Variants in CFAP74 observed in about 807,000 individuals in gnomAD.
The protein encoded by CFAP74 is cilia- and flagella-associated protein 74.
CFAP74 carries 124 observed loss-of-function variants against 188.9 expected under a neutral mutation model. The observed-to-expected ratio is 0.66, with a 90% CI of 0.57 to 0.76. The LOEUF (loss-of-function observed/expected upper bound fraction) is 0.76, where lower values mean the gene tolerates loss of function less well. Ranked by LOEUF, CFAP74 falls within the 30% of genes least tolerant of loss-of-function variation. CFAP74 has a pLI of 0.00. For missense variants in CFAP74, 2,198 were observed against 2,165.2 expected (o/e 1.02, Z -0.30); for synonymous variants, 956 against 916.7 (o/e 1.04, Z -0.77).
At chr1:1,945,737 A>G (rs1570880631) in intron 20 of CFAP74, among the ~76,000 whole-genome samples, 1 of 151,082 alleles carries the variant, frequency 6.6e-6, no homozygotes, top group Non-Finnish European at 1.5e-5. Flanking sequence ...TTGAGGCAGG[A>G]GGATCACTTG....
In CFAP74 at chr1:1,968,622, G is replaced by C; in HGVS notation, c.1245+13C>G. On this transcript the variant is annotated intron_variant, in intron 11 of 38. Transcript: ENST00000682832. This position sits in a 1 kb window ranked among gnomAD's most constrained non-coding sequence, Gnocchi z 4.3. ...GTGTGCGGCTTCTGTCTACAGGAAGGCGTTTTGCTCACCAGTGTGTACGTG... is the reference window on the plus strand; with the variant it reads ...GTGTGCGGCTTCTGTCTACAGGAAGCCGTTTTGCTCACCAGTGTGTACGTG... 6.2e-7 allele frequency: 1 copy of C among 1,610,172 alleles called. No homozygotes were observed. The highest frequency in any genetic ancestry group is 1.1e-5 in the South Asian group (1 of 90,938).
intron 1 of CFAP74, among the ~76,000 whole-genome samples, chr1:1,994,007 T>C (rs28584507): frequency 6.7e-6 from 1 of 149,524 alleles, no homozygotes; most frequent in East Asian, 2.0e-4. Context: ...AAAATAAAAA[T>C]AAAAAAATGT....
chr1:1,976,301 G>A (rs1475247920), intron 6 of CFAP74, among the ~76,000 whole-genome samples: 1 of 152,168 alleles, frequency 6.6e-6, no homozygotes, highest in Non-Finnish European at 1.5e-5. Context: ...GTCGTGGGGC[G>A]GCTCCCTCAT....
At chr1:1,946,027 T>G (rs1159716263) in intron 20 of CFAP74, among the ~76,000 whole-genome samples, 1 of 148,186 alleles carries the variant, frequency 6.7e-6, no homozygotes, top group South Asian at 2.2e-4. Flanking sequence ...TGTGCGTGTG[T>G]ACGTGTGTGT....
chr1:1,947,527 G>A lies in CFAP74; in HGVS notation c.2177-473C>T, dbSNP rs1025188208. 3.3e-5 allele frequency among the ~76,000 whole-genome samples: 5 copies of A among 152,202 alleles called. 1 individual carries two copies. The South Asian group carries it at 1.0e-3, about 32-fold the overall frequency. On this transcript the variant is annotated intron_variant, in intron 18 of 38. Transcript: ENST00000682832. The stretch of plus-strand genomic sequence containing the variant: ...GTTTCCATCTGCCACTGGGTTCTGG[G>A]GGCACCAGCCGGCAGCTGGTCAGCA...
chr1:1,978,488 C>A (rs1656590555), intron 6 of CFAP74, among the ~76,000 whole-genome samples: 1 of 152,008 alleles, frequency 6.6e-6, no homozygotes, highest in Non-Finnish European at 1.5e-5. Context: ...AGATGGGGAC[C>A]CCACTCAAGT....
chr1:1,927,117 C>T, intron 28 of CFAP74, 89 bp from the exon 29 acceptor site: 1 of 1,423,398 alleles, frequency 7.0e-7, no homozygotes, highest in East Asian at 2.5e-5. Context: ...CTCAGGGTCC[C>T]AGGGTCCCAG....
At chr1:1,953,175 T>C (rs527770626) in intron 18 of CFAP74, 1 of 152,332 alleles carries the variant, frequency 6.6e-6, no homozygotes, top group African/African-American at 2.4e-5. Context: ...CTTCAAGGCT[T>C]TGTCTGAGTC....
intron 1 of CFAP74, among the ~76,000 whole-genome samples, chr1:2,000,259 T>C (rs1432368398): frequency 6.6e-6 from 1 of 152,190 alleles, no homozygotes; most frequent in Non-Finnish European, 1.5e-5. Context: ...TATCCATGAA[T>C]GGATAAAGAC....
At chr1:1,955,262 C>T in intron 18 of CFAP74, 1 of 1,293,298 alleles carries the variant, frequency 7.7e-7, no homozygotes, top group Non-Finnish European at 1.0e-6. Context: ...CGGCGGGCTG[C>T]AGGGCAGGAG....
intron 15 of CFAP74, among the ~76,000 whole-genome samples, 162 bp from the exon 16 acceptor site, chr1:1,959,371 C>T (rs1222792451): frequency 2.7e-5 from 4 of 145,978 alleles, no homozygotes; most frequent in Admixed American, 1.4e-4. Flanking sequence ...GGGGTCCAAG[C>T]GATCCTCCCA....
chr1:1,927,981 A>G, intron 27 of CFAP74: 1 of 545,706 alleles, frequency 1.8e-6, no homozygotes, highest in Non-Finnish European at 3.3e-6. Flanking sequence ...GGATAAACCG[A>G]GGCACGGAGT....
intron 33 of CFAP74, 53 bp downstream of exon 33, chr1:1,925,730 G>A: frequency 6.4e-7 from 1 of 1,573,508 alleles, no homozygotes; most frequent in Non-Finnish European, 8.6e-7. Context: ...CCTGCCTGGT[G>A]GAAACCCCTC....
intron 6 of CFAP74, among the ~76,000 whole-genome samples, chr1:1,976,411 T>C (rs1224810432): frequency 2.6e-5 from 4 of 152,104 alleles, no homozygotes; most frequent in Admixed American, 1.3e-4. Flanking sequence ...CCTCTCACCA[T>C]GGGAGACACG....
At position 1,934,064 on chromosome 1, in the gene CFAP74, G is replaced by A. The variant is rs148281593; in HGVS notation, c.3012-3728C>T. Among the ~76,000 whole-genome samples, 4 of 152,310 alleles carry A rather than the reference G, an allele frequency of 2.6e-5. No homozygotes were observed. In the East Asian group the frequency reaches 7.7e-4, roughly 29 times the overall value. On this transcript the variant is annotated intron_variant, in intron 25 of 38. Coordinates refer to ENST00000682832, the MANE Select transcript of CFAP74 (RefSeq NM_001304360.2). ...CAAGCAAAATCCAGACCAGCAGCAG[G>A]GGTCTGAGGCCACCGGCATGAGGTC...
At chr1:1,926,577 G>C (rs898157464) in intron 30 of CFAP74, 65 bp from the exon 31 acceptor site, 22 of 1,546,510 alleles carry the variant, frequency 1.4e-5, no homozygotes, top group Non-Finnish European at 1.9e-5. Flanking sequence ...TGCCAGGGGT[G>C]GGCCGTGGGG....
Position 1,970,815 on chromosome 1 carries a change from T to A in CFAP74, c.890A>T (p.Asp297Val), listed in dbSNP as rs374724103. Residue 297 changes from aspartate to valine, a missense_variant and splice_region_variant, in exon 10 of 39, where the codon GAC becomes GTC. Coordinates refer to ENST00000682832, the MANE Select transcript of CFAP74 (RefSeq NM_001304360.2). ...CCATGCTTGGAACTTCCGCAGTGTG[T>A]CCTTGGAAACAGAGAGCACTGAGAT... ...ALKGSISANR[D>V]TLRKFQAWDR... 5 of 1,613,910 alleles carry A rather than the reference T, an allele frequency of 3.1e-6. No homozygotes were observed. Among genetic ancestry groups the A allele is most frequent in the Middle Eastern group, 1.6e-4 (1 of 6,082 alleles).
chr1:1,972,034 C>T lies in CFAP74; in HGVS notation c.834G>A (p.Met278Ile). The T allele has an allele frequency of 6.2e-7, 1 of 1,613,090 alleles. No individual in the cohort carries two copies. The highest frequency in any genetic ancestry group is 8.5e-7 in the Non-Finnish European group (1 of 1,180,012). Reference protein sequence around the residue: ...KKEEMECHEYMRRRMDAVVAL... With the variant: ...KKEEMECHEYIRRRMDAVVAL... Reference sequence around the variant, plus strand: ...CCACCACCGCATCCATGCGTCGCCTCATGTACTCGTGGCACTCCATCTCCT... The same window carrying T: ...CCACCACCGCATCCATGCGTCGCCTTATGTACTCGTGGCACTCCATCTCCT... The change falls in exon 9 of 39, where the codon ATG (methionine) becomes ATA (isoleucine). Residue 278 changes from methionine to isoleucine, a missense_variant. Physicochemically the swap from Met to Ile is conservative, Grantham distance 10. Transcript: ENST00000682832.
Position 1,986,430 on chromosome 1 carries a change from G to A in CFAP74, c.395+507C>T, listed in dbSNP as rs566005497. Among the ~76,000 whole-genome samples, 3 of 152,230 alleles carry A rather than the reference G, an allele frequency of 2.0e-5. No individual in the cohort carries two copies. The East Asian group carries it at 5.8e-4, about 30-fold the overall frequency. On this transcript the variant is annotated intron_variant, in intron 5 of 38. Coordinates refer to ENST00000682832, the MANE Select transcript of CFAP74 (RefSeq NM_001304360.2). ...CCCCATGGCTGCACTAGCCCCTCCA[G>A]GTCGGGCACCCTGCTGGGGCCTTCC...
Sources: gnomAD v4.1 joint callset for allele counts (sites outside exome capture counted in the v4.1 genomes callset) on GRCh38, gnomAD v4.1.1 for gene constraint, Gnocchi (gnomAD v3.1) non-coding constraint, MANE v1.5 for transcripts, NCBI Gene and HGNC (gene_info 2026-07-23, HGNC 2026-07-21) for gene names.